Variants in PDE11A observed in about 807,000 individuals in gnomAD.
PDE11A encodes the protein dual 3',5'-cyclic-AMP and -GMP phosphodiesterase 11A.
A neutral mutation model predicts 100.5 loss-of-function variants in PDE11A; 100 were observed. That is an observed-to-expected ratio of 1.00 (90% confidence interval 0.85 to 1.18). The LOEUF (loss-of-function observed/expected upper bound fraction) is 1.18. PDE11A is among the 50% of genes most tolerant of loss of function. The pLI, the probability that PDE11A is intolerant of heterozygous loss-of-function variation, is 0.00. For synonymous variants in PDE11A, 381 were observed against 420.8 expected, an observed-to-expected ratio of 0.91 and a Z score of 1.16; for missense variants, 1,141 against 1,152.6, an observed-to-expected ratio of 0.99 and a Z score of 0.15.
rs1195273236 is a variant in PDE11A at position 177,707,581 on chromosome 2, T to A, written c.2153+4188A>T. Reference sequence around the variant, plus strand: ...CTTTGTAGACTGGTTTTCTTGTTTTTTTCATCCGCTTGGTATGTGGTCATC... The same window carrying A: ...CTTTGTAGACTGGTTTTCTTGTTTTATTCATCCGCTTGGTATGTGGTCATC... On this transcript the variant is annotated intron_variant, in intron 13 of 19. Coordinates refer to ENST00000286063, the MANE Select transcript of PDE11A (RefSeq NM_016953.4). Among the ~76,000 whole-genome samples, 12 of 152,360 alleles carry A rather than the reference T, an allele frequency of 7.9e-5. No individual in the cohort carries two copies. In the East Asian group the frequency reaches 2.3e-3, roughly 29 times the overall value.
Position 177,690,183 on chromosome 2 carries a change from A to G in PDE11A, c.2345+7149T>C, listed in dbSNP as rs545058820. 6.8e-5 allele frequency among the ~76,000 whole-genome samples: 10 copies of G among 147,408 alleles called. 1 individual carries two copies. The South Asian group carries it at 1.9e-3, about 28-fold the overall frequency. On this transcript the variant is annotated intron_variant, in intron 15 of 19. Transcript: ENST00000286063. ...TCTTTGAAATATGTCAAGAATTACCAAAATATTTCCTCCATCAACCTACTA... is the reference window on the plus strand; with the variant it reads ...TCTTTGAAATATGTCAAGAATTACCGAAATATTTCCTCCATCAACCTACTA...
chr2:177,882,779 A>C (rs1574248804), intron 4 of PDE11A, among the ~76,000 whole-genome samples: 1 of 152,154 alleles, frequency 6.6e-6, no homozygotes, highest in East Asian at 1.9e-4. Context: ...TTTGATTTGG[A>C]TATTTATCAA....
intron 2 of PDE11A, among the ~76,000 whole-genome samples, chr2:177,932,884 T>C (rs35404128): frequency 0.086 from 13,131 of 152,046 alleles, 539 homozygotes; most frequent in South Asian, 0.1. Flanking sequence ...AACTATCTCT[T>C]TTCGCTAATG....
chr2:177,993,419 T>C (rs1262943525), intron 2 of PDE11A, among the ~76,000 whole-genome samples: 1 of 152,214 alleles, frequency 6.6e-6, no homozygotes, highest in Non-Finnish European at 1.5e-5. Context: ...AATAAAGTAA[T>C]TTTTAAAGTC....
intron 15 of PDE11A, among the ~76,000 whole-genome samples, chr2:177,690,359 C>T (rs2081024684): frequency 6.6e-6 from 1 of 152,178 alleles, no homozygotes; most frequent in South Asian, 2.1e-4. Flanking sequence ...TACTTTCATC[C>T]TTTCCAGTAT....
intron 15 of PDE11A, among the ~76,000 whole-genome samples, chr2:177,690,696 T>C (rs2081028950): frequency 6.6e-6 from 1 of 152,238 alleles, no homozygotes; most frequent in Non-Finnish European, 1.5e-5. Flanking sequence ...TAATTGCTGA[T>C]GAGTGTAGAT....
chr2:178,098,449 A>G (rs2087521368), intron 2 of PDE11A, among the ~76,000 whole-genome samples: 2 of 152,210 alleles, frequency 1.3e-5, no homozygotes, highest in Admixed American at 1.3e-4. Context: ...AGTAGAAATA[A>G]CAACATACAT....
chr2:178,008,063 G>C (rs1013847531), intron 2 of PDE11A, among the ~76,000 whole-genome samples: 2 of 151,396 alleles, frequency 1.3e-5, no homozygotes, highest in Non-Finnish European at 1.5e-5. Flanking sequence ...AATGTAGGCA[G>C]AAAAGGAAAA....
chr2:177,743,828 G>A (rs115332230), intron 10 of PDE11A, among the ~76,000 whole-genome samples: 1,823 of 152,310 alleles, frequency 0.012, 24 homozygotes, highest in Non-Finnish European at 0.017. Context: ...AATCAGGAAG[G>A]GGTGATTGAA....
At chr2:177,995,654 C>CGG (rs1553498604) in intron 2 of PDE11A, among the ~76,000 whole-genome samples, 1 of 151,510 alleles carries the variant, frequency 6.6e-6, no homozygotes, top group East Asian at 1.9e-4. Flanking sequence ...CCACCCACCC[C>CGG]GCATCTGCTG....
chr2:177,656,796 G>T lies in PDE11A; in HGVS notation c.2646+7070C>A, dbSNP rs115368701. Among the ~76,000 whole-genome samples the T allele has an allele frequency of 3.7e-3, 558 of 152,336 alleles. 1 individual carries two copies. The highest frequency in any genetic ancestry group is 0.017 in the Middle Eastern group (5 of 294). The stretch of plus-strand genomic sequence containing the variant: ...TTTACAGAAGTCACAGCTTGGGCTG[G>T]TGTCTTCCAGGCACATATGAGAGCG... On this transcript the variant is annotated intron_variant, in intron 19 of 19. Transcript: ENST00000286063.
chr2:177,737,046 G>A (rs1374148784), intron 10 of PDE11A, among the ~76,000 whole-genome samples: 1 of 72,856 alleles, frequency 1.4e-5, no homozygotes, highest in Non-Finnish European at 4.1e-5. Context: ...TTCGAGACCA[G>A]CCTGACAAAA....
intron 6 of PDE11A, among the ~76,000 whole-genome samples, chr2:177,820,573 A>G (rs2083122003): frequency 6.6e-6 from 1 of 151,922 alleles, no homozygotes; most frequent in Non-Finnish European, 1.5e-5. Context: ...AGCTGGACAT[A>G]AAACTATCTT....
intron 6 of PDE11A, among the ~76,000 whole-genome samples, chr2:177,824,630 T>G (rs1301056146): frequency 6.6e-6 from 1 of 152,202 alleles, no homozygotes; most frequent in Non-Finnish European, 1.5e-5. Flanking sequence ...GTGGTAATTA[T>G]CAAAGCTATG....
At chr2:177,923,751 A>T (rs1038370407) in intron 2 of PDE11A, among the ~76,000 whole-genome samples, 2 of 152,238 alleles carry the variant, frequency 1.3e-5, no homozygotes, top group Admixed American at 1.3e-4. Flanking sequence ...GAAAGTTATA[A>T]TTAACCTTCA....
intron 2 of PDE11A, among the ~76,000 whole-genome samples, chr2:177,943,823 C>T (rs2085372667): frequency 6.6e-6 from 1 of 152,136 alleles, no homozygotes; most frequent in Non-Finnish European, 1.5e-5. Flanking sequence ...ACGAAACTTT[C>T]CCCCTATGAT....
intron 2 of PDE11A, among the ~76,000 whole-genome samples, chr2:177,987,327 A>G (rs1034323387): frequency 7.9e-5 from 12 of 152,198 alleles, no homozygotes; most frequent in Admixed American, 3.9e-4. Flanking sequence ...AATCTTCTCT[A>G]ATATTTGCTA....
At chr2:178,094,454 T>C (rs1037700740) in intron 2 of PDE11A, among the ~76,000 whole-genome samples, 7 of 151,926 alleles carry the variant, frequency 4.6e-5, no homozygotes, top group African/African-American at 1.5e-4. Context: ...ATCAGTTGAG[T>C]CCAGGATGTC....
intron 13 of PDE11A, among the ~76,000 whole-genome samples, chr2:177,709,548 C>G (rs139566767): frequency 6.2e-4 from 94 of 152,260 alleles, no homozygotes; most frequent in African/African-American, 2.0e-3. Context: ...GAATAAGTGC[C>G]TGGAGATAAG....
Sources: gnomAD v4.1 joint callset for allele counts (sites outside exome capture counted in the v4.1 genomes callset) on GRCh38, gnomAD v4.1.1 for gene constraint, MANE v1.5 for transcripts, NCBI Gene and HGNC (gene_info 2026-07-23, HGNC 2026-07-21) for gene names.